The following MCU variants were observed in gnomAD, a reference collection of about 807,000 sequenced individuals.
MCU encodes mitochondrial calcium uniporter, also known as calcium uniporter protein, mitochondrial.
In MCU, 12 loss-of-function variants were observed where a neutral mutation model predicts 45.2. The observed-to-expected ratio is 0.27, with a 90% CI of 0.17 to 0.43. MCU has a LOEUF of 0.43. MCU is among the 20% of genes least tolerant of loss of function. MCU has a pLI of 1.00. For synonymous variants in MCU, 160 were observed against 165.1 expected, an observed-to-expected ratio of 0.97 and a Z score of 0.24; for missense variants, 324 against 436.7, an observed-to-expected ratio of 0.74 and a Z score of 2.30.
chr10:72,708,928 G>A (rs539683230), intron 1 of MCU, among the ~76,000 whole-genome samples: 1 of 152,152 alleles, frequency 6.6e-6, no homozygotes, highest in African/African-American at 2.4e-5. Context: ...GAGGCAGGAG[G>A]ATCACTTGAG....
chr10:72,698,589 C>T (rs113198153), intron 1 of MCU, among the ~76,000 whole-genome samples: 4 of 152,164 alleles, frequency 2.6e-5, no homozygotes, highest in Non-Finnish European at 5.9e-5. Flanking sequence ...ACTGCAACCT[C>T]CGCCTCTCGG....
chr10:72,788,634 C>T (rs1407044770), intron 1 of MCU, among the ~76,000 whole-genome samples: 1 of 151,936 alleles, frequency 6.6e-6, no homozygotes, highest in Non-Finnish European at 1.5e-5. Context: ...CTCATGAGAC[C>T]CTGTCTAAAA....
At position 72,830,978 on chromosome 10, in the gene MCU, G is replaced by A. The variant is rs575936516; in HGVS notation, c.151-3381G>A. On this transcript the variant is annotated intron_variant, in intron 1 of 7. Transcript: ENST00000373053. ...TAGAAATTAACATGCCAAGCTGCAG[G>A]AAATTTAGCTCTCATGAGTCCTACT... Among the ~76,000 whole-genome samples, 4 of 152,294 alleles carry A rather than the reference G, an allele frequency of 2.6e-5. No individual in the cohort carries two copies. The South Asian group carries it at 8.3e-4, about 32-fold the overall frequency.
intron 1 of MCU, among the ~76,000 whole-genome samples, chr10:72,740,810 A>G (rs1286460304): frequency 1.3e-5 from 2 of 152,208 alleles, no homozygotes; most frequent in African/African-American, 4.8e-5. Context: ...GGAAAGATCC[A>G]TTTAATCCAA....
intron 1 of MCU, among the ~76,000 whole-genome samples, chr10:72,802,071 A>G (rs1844351674): frequency 6.6e-6 from 1 of 152,204 alleles, no homozygotes; most frequent in African/African-American, 2.4e-5. Flanking sequence ...CGTTCAACAC[A>G]AAACTGGAAA....
At chr10:72,798,207 T>G (rs780240597) in intron 1 of MCU, among the ~76,000 whole-genome samples, 4 of 151,938 alleles carry the variant, frequency 2.6e-5, no homozygotes, top group South Asian at 4.1e-4. Flanking sequence ...GGCAGAAAAA[T>G]TACTCAGTGG....
At chr10:72,870,342 G>A (rs1175562564) in intron 5 of MCU, among the ~76,000 whole-genome samples, 5 of 152,084 alleles carry the variant, frequency 3.3e-5, no homozygotes, top group African/African-American at 9.7e-5. Flanking sequence ...GCAGTGGCAC[G>A]ATCTCGGCTC....
intron 1 of MCU, among the ~76,000 whole-genome samples, chr10:72,725,446 AT>A (rs1037948296): frequency 5.6e-3 from 1 of 178 alleles, no homozygotes; most frequent in African/African-American, 0.029. Flanking sequence ...TAATTTAAAA[AT>A]GTTTTTTATG....
chr10:72,725,613 G>A (rs1843087235), intron 1 of MCU, among the ~76,000 whole-genome samples: 1 of 152,182 alleles, frequency 6.6e-6, no homozygotes, highest in African/African-American at 2.4e-5. Flanking sequence ...TGTAGGCCGG[G>A]TGCGGTGGCT....
chr10:72,882,674 C>G (rs957205625), intron 6 of MCU, among the ~76,000 whole-genome samples: 1 of 152,098 alleles, frequency 6.6e-6, no homozygotes, highest in African/African-American at 2.4e-5. Context: ...CAATGGTGCC[C>G]GAAACTTCAT....
At chr10:72,834,518 C>A in intron 2 of MCU, 90 bp downstream of exon 2, 2 of 1,095,198 alleles carry the variant, frequency 1.8e-6, no homozygotes, top group South Asian at 1.5e-5. Flanking sequence ...ATTTATAAAC[C>A]ATACTCTTTC....
At chr10:72,846,255 C>G (rs1381469895) in intron 2 of MCU, among the ~76,000 whole-genome samples, 1 of 152,186 alleles carries the variant, frequency 6.6e-6, no homozygotes, top group Non-Finnish European at 1.5e-5. Context: ...GTTGGCCAGG[C>G]TGGTCTCAAA....
At chr10:72,845,916 T>G (rs1286086584) in intron 2 of MCU, among the ~76,000 whole-genome samples, 1 of 152,216 alleles carries the variant, frequency 6.6e-6, no homozygotes, top group Admixed American at 6.5e-5. Flanking sequence ...TTTAGAGGTT[T>G]GTATACACCA....
intron 4 of MCU, among the ~76,000 whole-genome samples, chr10:72,861,099 A>G (rs1845368913): frequency 6.6e-6 from 1 of 152,032 alleles, no homozygotes; most frequent in South Asian, 2.1e-4. Flanking sequence ...ATCACAGCTC[A>G]CTGCAGCCTC....
chr10:72,860,657 T>C lies in MCU; in HGVS notation c.496+130T>C, dbSNP rs1589500925. ...GAACACTGAAAGTTTTATATACAGATAGACACTATTTCAGTTGAAGAGCTC... is the reference window on the plus strand; with the variant it reads ...GAACACTGAAAGTTTTATATACAGACAGACACTATTTCAGTTGAAGAGCTC... On this transcript the variant is annotated intron_variant, in intron 4 of 7. Transcript: ENST00000373053. The C allele has an allele frequency of 1.1e-5, 7 of 655,774 alleles. No homozygotes were observed. The East Asian group carries it at 1.4e-4, about 13-fold the overall frequency. 40.6% of individuals were successfully genotyped at this position (655,774 alleles called of 1,614,324 possible). A position where few individuals can be genotyped will look rare whatever the true frequency, so the allele number is the denominator to read the frequency against.
chr10:72,844,344 G>A (rs1845089058), intron 2 of MCU, among the ~76,000 whole-genome samples: 3 of 152,088 alleles, frequency 2.0e-5, no homozygotes, highest in African/African-American at 7.2e-5. Flanking sequence ...CCACGATTGT[G>A]CCACTGCATT....
At chr10:72,854,361 TA>T (rs1564575256) in intron 2 of MCU, among the ~76,000 whole-genome samples, 1 of 152,106 alleles carries the variant, frequency 6.6e-6, no homozygotes, top group African/African-American at 2.4e-5. Context: ...GATAAGAATA[TA>T]CACAAACTCA....
chr10:72,808,489 G>C (rs1214627745), intron 1 of MCU, among the ~76,000 whole-genome samples: 1 of 152,176 alleles, frequency 6.6e-6, no homozygotes. Flanking sequence ...TTAGAGGAAA[G>C]GAAATAAGAC....
chr10:72,790,428 G>A (rs902226144), intron 1 of MCU, among the ~76,000 whole-genome samples: 6 of 152,034 alleles, frequency 3.9e-5, no homozygotes, highest in Non-Finnish European at 8.8e-5. Flanking sequence ...ACTCCCAGAA[G>A]CCTAAACAAA....
Sources: gnomAD v4.1 joint callset for allele counts (sites outside exome capture counted in the v4.1 genomes callset) on GRCh38, gnomAD v4.1.1 for gene constraint, MANE v1.5 for transcripts, NCBI Gene and HGNC (gene_info 2026-07-23, HGNC 2026-07-21) for gene names.